The following BCL9L variants were observed in gnomAD, a reference collection of about 807,000 sequenced individuals.
The protein encoded by BCL9L is BCL9 like.
Under a neutral mutation model 99.4 loss-of-function variants are expected in BCL9L, and 19 were observed. The ratio of observed to expected loss-of-function variants is 0.19; its 90% CI spans 0.13 to 0.28. The LOEUF (loss-of-function observed/expected upper bound fraction) is 0.28. Ranked by LOEUF, BCL9L falls within the 10% of genes least tolerant of loss-of-function variation. The probability of loss-of-function intolerance (pLI) is 1.00; values close to 1 mark genes in which losing one functional copy is unlikely to be tolerated. For missense variants in BCL9L, 2,023 were observed against 2,101.6 expected (o/e 0.96, Z 0.73); for synonymous variants, 900 against 854.8 (o/e 1.05, Z -0.92).
intron 5 of BCL9L, among the ~76,000 whole-genome samples, chr11:118,904,829 A>T (rs2137707733): frequency 1.3e-5 from 2 of 152,152 alleles, no homozygotes; most frequent in Middle Eastern, 6.8e-3. Flanking sequence ...CCCACCCCAA[A>T]ACGGCCCTGC....
At chr11:118,909,259 G>A (rs150936293) in intron 3 of BCL9L, among the ~76,000 whole-genome samples, 2 of 152,218 alleles carry the variant, frequency 1.3e-5, no homozygotes, top group Admixed American at 6.5e-5. Context: ...AGGAGGAAAG[G>A]GGGAGGGGAG....
Position 118,902,392 on chromosome 11 carries a change from G to C in BCL9L, c.1351C>G (p.Pro451Ala), listed in dbSNP as rs1164373485. The change falls in exon 8 of 10, where the codon CCC becomes GCC. Residue 451 changes from proline (P) to alanine (A), a missense_variant. Physicochemically the swap from Pro to Ala is conservative, Grantham distance 27 (BLOSUM62 -1). Around this residue, in one of 3 missense-constraint regions of BCL9L, gnomAD observed 1,116 missense variants for 1,194.6 expected, o/e 0.93. Transcript: ENST00000683865. This position sits in a 1 kb window ranked among gnomAD's most constrained non-coding sequence, Gnocchi z 7.8. ...GGAGGGGCCGTGGGTGGCTGCTGGG[G>C]GGGAGGGGGGGCTTGTGCTGGTGGG... ...GGPPAQAPPPPQQPPTAPPSG... is the reference protein window; with the variant it reads ...GGPPAQAPPPAQQPPTAPPSG... 5 of 1,547,566 alleles carry C rather than the reference G, an allele frequency of 3.2e-6. No homozygotes were observed. The highest frequency in any genetic ancestry group is 2.8e-5 in the African/African-American group (2 of 72,604).
chr11:118,911,239 G>A (rs1308398268), intron 2 of BCL9L: 1 of 455,890 alleles, frequency 2.2e-6, no homozygotes, highest in Non-Finnish European at 4.4e-6. Flanking sequence ...CGGTCAAAGG[G>A]GAGGAGTCTT....
Position 118,897,602 on chromosome 11 carries a change from G to A in BCL9L, c.*813C>T, listed in dbSNP as rs569097870. ...CTCAGTTTAGGAGTGGGTCATTTAC[G>A]TCATCTTACCATTTGGGGACGAGAC... On this transcript the variant is annotated 3_prime_UTR_variant, in exon 10 of 10. Transcript: ENST00000683865. 9 of 362,234 alleles carry A rather than the reference G, an allele frequency of 2.5e-5. No homozygotes were observed. Among genetic ancestry groups the A allele is most frequent in the East Asian group, 1.5e-4 (2 of 13,604 alleles). The allele number at this position is 362,234 out of a possible 1,614,324, so 22.4% of individuals were successfully genotyped here.
At chr11:118,910,114 G>A in intron 2 of BCL9L, 99 bp from the exon 3 acceptor site, 1 of 806,914 alleles carries the variant, frequency 1.2e-6, no homozygotes, top group South Asian at 1.6e-5. Context: ...GGACTAGGGA[G>A]CTGGATAGGG....
chr11:118,899,086 G>T lies in BCL9L; in HGVS notation c.3829C>A (p.Gln1277Lys). The change falls in exon 10 of 10, where the codon CAG becomes AAG. Residue 1277 changes from glutamine to lysine, a missense_variant. Coordinates refer to ENST00000683865, the MANE Select transcript of BCL9L (RefSeq NM_001378213.1). The stretch of plus-strand genomic sequence containing the variant: ...ATGGCTTTGCCCATCAGGTGCTGCT[G>T]GGGAGGCATGGGGCCTGGCGGCTGG... ...PNQPPGPMPP[Q>K]QHLMGKAMAG... The T allele has an allele frequency of 1.3e-6, 2 of 1,597,440 alleles. No homozygotes were observed. Among genetic ancestry groups the T allele is most frequent in the East Asian group, 2.3e-5 (1 of 44,228 alleles).
At chr11:118,919,359 G>A (rs1941079404) in intron 1 of BCL9L, among the ~76,000 whole-genome samples, 1 of 151,836 alleles carries the variant, frequency 6.6e-6, no homozygotes, top group Non-Finnish European at 1.5e-5. Flanking sequence ...GAATGGCTGT[G>A]TATTCTATGT....
intron 2 of BCL9L, among the ~76,000 whole-genome samples, chr11:118,918,245 G>A (rs565316876): frequency 6.6e-6 from 1 of 152,172 alleles, no homozygotes; most frequent in Admixed American, 6.5e-5. Flanking sequence ...AGGAAGGGGG[G>A]CTGGCGGAGG....
intron 5 of BCL9L, among the ~76,000 whole-genome samples, chr11:118,905,273 C>T (rs1940460367): frequency 6.6e-6 from 1 of 152,080 alleles, no homozygotes; most frequent in Admixed American, 6.6e-5. Context: ...CTTTGGGAGG[C>T]CGAGGCGGGC....
Position 118,903,833 on chromosome 11 carries a change from C to T in BCL9L, c.533-381G>A, listed in dbSNP as rs752482339. On this transcript the variant is annotated intron_variant, in intron 5 of 9. Transcript: ENST00000683865. This position sits in a 1 kb window ranked among gnomAD's most constrained non-coding sequence, Gnocchi z 5.6. ...GCAGAGCCAGAACTGAACCCAGGGC[C>T]GGGACTCTGAAGCTCCGCTCTGAGC... Among the ~76,000 whole-genome samples, 6 of 152,136 alleles carry T rather than the reference C, an allele frequency of 3.9e-5. No individual in the cohort carries two copies. Among genetic ancestry groups the T allele is most frequent in the Admixed American group, 2.0e-4 (3 of 15,274 alleles).
At position 118,902,822 on chromosome 11, in the gene BCL9L, C is replaced by A; in HGVS notation, c.921G>T (p.Pro307=). 6.5e-7 allele frequency: 1 copy of A among 1,549,286 alleles called. No homozygotes were observed. The highest frequency in any genetic ancestry group is 8.7e-7 in the Non-Finnish European group (1 of 1,154,238). ...GTPQSQPPPL[P]PPPPPAPGSA... Reference sequence around the variant, plus strand: ...TGCCAGGGGCCGGGGGTGGCGGCGGCGGCAGTGGAGGTGGCTGGGACTGCG... The same window carrying A: ...TGCCAGGGGCCGGGGGTGGCGGCGGAGGCAGTGGAGGTGGCTGGGACTGCG... Residue 307 remains proline (P), a synonymous_variant, in exon 8 of 10, where the codon CCG becomes CCT. Coordinates refer to ENST00000683865, the MANE Select transcript of BCL9L (RefSeq NM_001378213.1). The surrounding 1 kb of genome is among the most constrained non-coding windows in gnomAD (Gnocchi z 7.8).
Position 118,907,602 on chromosome 11 carries a change from T to TCTGTC in BCL9L, c.413-1_413insGACAG (p.Glu138GlyfsTer46). The TCTGTC allele has an allele frequency of 6.2e-7, 1 of 1,612,294 alleles. No individual in the cohort carries two copies. Among genetic ancestry groups the TCTGTC allele is most frequent in the Non-Finnish European group, 8.5e-7 (1 of 1,180,006 alleles). ...GCGCCGCTTACTCCGCGGCGCCACC[T>TCTGTC]CTGCCCAGGCAGGACGGAGGAAAGA... On this transcript the variant is annotated frameshift_variant and splice_region_variant. Transcript: ENST00000683865. LOFTEE classifies it high-confidence loss of function.
Position 118,903,180 on chromosome 11 carries a change from C to A in BCL9L, c.749+56G>T. ...CACGGGGCTCCCTCGGAACCCCAGG[C>A]TGAGAGGTGCTGGGCAGAGAGAGAG... On this transcript the variant is annotated intron_variant, in intron 6 of 9. Coordinates refer to ENST00000683865, the MANE Select transcript of BCL9L (RefSeq NM_001378213.1). This position sits in a 1 kb window ranked among gnomAD's most constrained non-coding sequence, Gnocchi z 5.6. The A allele has an allele frequency of 6.5e-7, 1 of 1,536,730 alleles. No individual in the cohort carries two copies.
Position 118,902,847 on chromosome 11 carries a change from G to A in BCL9L, c.896C>T (p.Pro299Leu), listed in dbSNP as rs561333121. Residue 299 changes from proline to leucine, a missense_variant, in exon 8 of 10, where the codon CCG becomes CTG. Around this residue, in one of 3 missense-constraint regions of BCL9L, gnomAD observed 1,116 missense variants for 1,194.6 expected, o/e 0.93. Transcript: ENST00000683865. The surrounding 1 kb of genome is among the most constrained non-coding windows in gnomAD (Gnocchi z 7.8). ...LPLSTPSAGT[P>L]QSQPPPLPPP... ...CGGCAGTGGAGGTGGCTGGGACTGCGGGGTGCCTGCTGACGGCGTGCTCAG... is the reference window on the plus strand; with the variant it reads ...CGGCAGTGGAGGTGGCTGGGACTGCAGGGTGCCTGCTGACGGCGTGCTCAG... 7.5e-5 allele frequency: 117 copies of A among 1,552,820 alleles called. No homozygotes were observed. In the South Asian group the frequency reaches 9.3e-4, roughly 12 times the overall value.
At chr11:118,920,580 A>G (rs1298734011) in intron 1 of BCL9L, among the ~76,000 whole-genome samples, 1 of 152,116 alleles carries the variant, frequency 6.6e-6, no homozygotes, top group Non-Finnish European at 1.5e-5. Flanking sequence ...CTTGCCCTCA[A>G]TGAACAAGTG....
At chr11:118,917,484 T>C (rs1941000238) in intron 2 of BCL9L, among the ~76,000 whole-genome samples, 4 of 152,140 alleles carry the variant, frequency 2.6e-5, no homozygotes. Flanking sequence ...AGGCCCATAA[T>C]TTTAGAAGAA....
In BCL9L at chr11:118,900,024, G is replaced by A; in HGVS notation, c.3299C>T (p.Thr1100Ile). Residue 1100 changes from threonine to isoleucine, a missense_variant, in exon 9 of 10, where the codon ACC (threonine) becomes ATC (isoleucine). By Grantham distance (89) the Thr-to-Ile change is moderately conservative. This residue lies in a region of BCL9L where 902 missense variants were observed against 888.2 expected (regional missense o/e 1.02). Transcript: ENST00000683865. The surrounding 1 kb of genome is among the most constrained non-coding windows in gnomAD (Gnocchi z 5.3). ...CTTGATGGCATTGTGGTAGAGCGGGGTGGAGCTGGGCATGGCGTACTTGGA... is the reference window on the plus strand; with the variant it reads ...CTTGATGGCATTGTGGTAGAGCGGGATGGAGCTGGGCATGGCGTACTTGGA... ...QMSKYAMPSS[T>I]PLYHNAIKTI... The A allele has an allele frequency of 6.2e-7, 1 of 1,614,130 alleles. No homozygotes were observed. Among genetic ancestry groups the A allele is most frequent in the African/African-American group, 1.3e-5 (1 of 75,020 alleles).
Position 118,901,121 on chromosome 11 carries a change from C to T in BCL9L, c.2622G>A (p.Gln874=). ...CCACGTTGCTCATGGGCATTGAGCT[C>T]TGATCAGGGCTGAACATGTCTTGGG... is the stretch of plus-strand genomic sequence containing the variant. ...GNTQDMFSPD[Q]SSMPMSNVGT... Residue 874 remains glutamine, a synonymous_variant, in exon 8 of 10, where the codon CAG becomes CAA. Coordinates refer to ENST00000683865, the MANE Select transcript of BCL9L (RefSeq NM_001378213.1). The surrounding 1 kb of genome is among the most constrained non-coding windows in gnomAD (Gnocchi z 6.6). The T allele has an allele frequency of 1.2e-6, 2 of 1,611,822 alleles. No individual in the cohort carries two copies. The highest frequency in any genetic ancestry group is 2.2e-5 in the East Asian group (1 of 44,814).
At chr11:118,904,475 AAC>A (rs1265169619) in intron 5 of BCL9L, among the ~76,000 whole-genome samples, 5 of 152,130 alleles carry the variant, frequency 3.3e-5, no homozygotes, top group African/African-American at 1.2e-4. Context: ...AGAAAGAAAA[AAC>A]AGTTAGAAAA....
Sources: gnomAD v4.1 joint callset for allele counts (sites outside exome capture counted in the v4.1 genomes callset) on GRCh38, gnomAD v4.1.1 for gene constraint, gnomAD v4.1.1 regional missense constraint, Gnocchi (gnomAD v3.1) non-coding constraint, MANE v1.5 for transcripts, NCBI Gene and HGNC (gene_info 2026-07-23, HGNC 2026-07-21) for gene names.